Variants in TMTC1 observed in about 807,000 individuals in gnomAD.
The protein encoded by TMTC1 is protein O-mannosyl-transferase TMTC1.
In TMTC1, 73 loss-of-function variants were observed where a neutral mutation model predicts 104.8. That is an observed-to-expected ratio of 0.70 (90% CI 0.58 to 0.85). TMTC1 has a LOEUF of 0.85. Ranked by LOEUF, TMTC1 falls within the 40% of genes least tolerant of loss-of-function variation. TMTC1 has a pLI of 0.00. For missense variants in TMTC1, 1,035 were observed against 1,096.1 expected (o/e 0.94, Z 0.79); for synonymous variants, 434 against 428.7 (o/e 1.01, Z -0.15).
At chr12:29,627,198 C>A (rs1221276914) in intron 6 of TMTC1, among the ~76,000 whole-genome samples, 3 of 152,080 alleles carry the variant, frequency 2.0e-5, no homozygotes, top group Non-Finnish European at 2.9e-5. Flanking sequence ...ACAGTATTTG[C>A]AAATCAAATA....
chr12:29,762,456 T>C (rs1166852092), intron 2 of TMTC1, among the ~76,000 whole-genome samples: 1 of 152,218 alleles, frequency 6.6e-6, no homozygotes, highest in Non-Finnish European at 1.5e-5. Context: ...ATAGAAATCA[T>C]CTTTTTACTT....
At chr12:29,596,445 C>T (rs1946407133) in intron 7 of TMTC1, among the ~76,000 whole-genome samples, 1 of 152,202 alleles carries the variant, frequency 6.6e-6, no homozygotes, top group Admixed American at 6.5e-5. Flanking sequence ...TAAAAATGCA[C>T]AGCCTTTCTC....
chr12:29,633,439 A>C, intron 5 of TMTC1, 103 bp from the exon 6 acceptor site: 1 of 949,864 alleles, frequency 1.1e-6, no homozygotes. Context: ...TACCCAGTCA[A>C]TGTTATCTTG....
intron 5 of TMTC1, among the ~76,000 whole-genome samples, chr12:29,735,764 C>A (rs302372): frequency 1 from 152,253 of 152,346 alleles, 76,080 homozygotes; most frequent in Middle Eastern, 1. Flanking sequence ...ATGCAGCTTC[C>A]GGACCAAGTA....
At chr12:29,693,026 C>T (rs1372796568) in intron 5 of TMTC1, among the ~76,000 whole-genome samples, 1 of 144,662 alleles carries the variant, frequency 6.9e-6, no homozygotes, top group Admixed American at 7.1e-5. Flanking sequence ...CATCAGGGGT[C>T]TTTTTAGAGG....
chr12:29,604,529 T>C (rs1017526670), intron 6 of TMTC1, among the ~76,000 whole-genome samples: 1 of 151,932 alleles, frequency 6.6e-6, no homozygotes, highest in Non-Finnish European at 1.5e-5. Context: ...CCCAGAAACA[T>C]GGATATTGGC....
rs1412673018 is a variant in TMTC1 at position 29,783,841 on chromosome 12, G to C, written c.-90C>G. The C allele has an allele frequency of 6.6e-6, 7 of 1,057,282 alleles. No homozygotes were observed. Among genetic ancestry groups the C allele is most frequent in the Non-Finnish European group, 8.0e-6 (7 of 875,120 alleles). The allele number at this position is 1,057,282 out of a possible 1,614,324, so 65.5% of individuals were successfully genotyped here. A position where few individuals can be genotyped will look rare whatever the true frequency, so the allele number is the denominator to read the frequency against. The stretch of plus-strand genomic sequence containing the variant: ...CCCCGGCGGCGCGCGGCGTCTGCCC[G>C]GAGGGGGGCTCGGGCATGGTGCTGC... On this transcript the variant is annotated 5_prime_UTR_variant, in exon 1 of 18. Coordinates refer to ENST00000539277, the MANE Select transcript of TMTC1 (RefSeq NM_001193451.2). The surrounding 1 kb of genome is among the most constrained non-coding windows in gnomAD (Gnocchi z 4.7).
chr12:29,746,841 AAGG>A (rs1451212936), intron 5 of TMTC1, among the ~76,000 whole-genome samples: 1 of 152,188 alleles, frequency 6.6e-6, no homozygotes, highest in Non-Finnish European at 1.5e-5. Flanking sequence ...AGAAGTAGAA[AAGG>A]AGTTCGTTTT....
At position 29,518,465 on chromosome 12, in the gene TMTC1, A is replaced by G. The variant is rs758835480; in HGVS notation, c.2024+7T>C. 6.2e-7 allele frequency: 1 copy of G among 1,610,572 alleles called. No individual in the cohort carries two copies. Among genetic ancestry groups the G allele is most frequent in the East Asian group, 2.2e-5 (1 of 44,856 alleles). On this transcript the variant is annotated splice_region_variant and intron_variant, in intron 13 of 17. Transcript: ENST00000539277. ...GCAACTTATAAAGAAAAGAAAGGGAACTTTACCGCTTGTACCATTCTTCAG... is the reference window on the plus strand; with the variant it reads ...GCAACTTATAAAGAAAAGAAAGGGAGCTTTACCGCTTGTACCATTCTTCAG...
chr12:29,520,753 A>G lies in TMTC1; in HGVS notation c.1786-33T>C, dbSNP rs566530959. 5.8e-6 allele frequency: 9 copies of G among 1,558,948 alleles called. No individual in the cohort carries two copies. The African/African-American group carries it at 9.6e-5, about 17-fold the overall frequency. On this transcript the variant is annotated intron_variant, in intron 11 of 17. Transcript: ENST00000539277. ...AAGAAAGAAACAAACAAAATAAGTG[A>G]GAAAGCTTTCTAAAACCAACAATAA...
At chr12:29,684,374 T>G (rs913946844) in intron 5 of TMTC1, among the ~76,000 whole-genome samples, 2 of 152,132 alleles carry the variant, frequency 1.3e-5, no homozygotes, top group Non-Finnish European at 2.9e-5. Flanking sequence ...TCAGAAAAAT[T>G]TTCTCATAGA....
At chr12:29,628,922 A>G (rs1261628000) in intron 6 of TMTC1, among the ~76,000 whole-genome samples, 2 of 152,032 alleles carry the variant, frequency 1.3e-5, no homozygotes, top group East Asian at 1.9e-4. Context: ...TTGGCCTCCC[A>G]AAGTGCTGGG....
intron 5 of TMTC1, among the ~76,000 whole-genome samples, chr12:29,707,476 C>T (rs1941779508): frequency 6.6e-6 from 1 of 152,190 alleles, no homozygotes; most frequent in Non-Finnish European, 1.5e-5. Context: ...GCGTCCTCTA[C>T]TATGAGGCTA....
intron 7 of TMTC1, among the ~76,000 whole-genome samples, chr12:29,589,529 CACA>C (rs1411843677): frequency 6.6e-6 from 1 of 152,208 alleles, no homozygotes; most frequent in African/African-American, 2.4e-5. Flanking sequence ...CACCTCATCA[CACA>C]ACATCACCTA....
intron 5 of TMTC1, among the ~76,000 whole-genome samples, chr12:29,746,901 G>T (rs1332265315): frequency 6.6e-6 from 1 of 152,166 alleles, no homozygotes; most frequent in Non-Finnish European, 1.5e-5. Flanking sequence ...TATAAGGATA[G>T]GACTTTGTTT....
intron 15 of TMTC1, among the ~76,000 whole-genome samples, chr12:29,514,838 C>A (rs1012658831): frequency 6.6e-6 from 1 of 151,914 alleles, no homozygotes; most frequent in African/African-American, 2.4e-5. Context: ...CATGGTGAAA[C>A]CCTGTCTCTA....
chr12:29,601,838 C>CTT (rs546200177), intron 7 of TMTC1, among the ~76,000 whole-genome samples: 9 of 137,388 alleles, frequency 6.6e-5, no homozygotes, highest in African/African-American at 1.3e-4. Flanking sequence ...ATAATCATCT[C>CTT]TTTTTTTTTT....
chr12:29,720,576 T>C (rs1405520851), intron 5 of TMTC1, among the ~76,000 whole-genome samples: 2 of 151,922 alleles, frequency 1.3e-5, no homozygotes, highest in African/African-American at 4.8e-5. Flanking sequence ...ATAAAAGAAT[T>C]AACAAAGTGA....
intron 5 of TMTC1, among the ~76,000 whole-genome samples, chr12:29,677,541 A>G (rs908467801): frequency 1.3e-5 from 2 of 152,238 alleles, no homozygotes; most frequent in Non-Finnish European, 2.9e-5. Flanking sequence ...CTTTATCTGC[A>G]GTTTCAGTTA....
Sources: gnomAD v4.1 joint callset for allele counts (sites outside exome capture counted in the v4.1 genomes callset) on GRCh38, gnomAD v4.1.1 for gene constraint, Gnocchi (gnomAD v3.1) non-coding constraint, MANE v1.5 for transcripts, NCBI Gene and HGNC (gene_info 2026-07-23, HGNC 2026-07-21) for gene names.